Variants in GNA14 observed in about 807,000 individuals in gnomAD.
GNA14 encodes G protein subunit alpha 14, also known as guanine nucleotide-binding protein subunit alpha-14.
Under a neutral mutation model 42.0 loss-of-function variants are expected in GNA14, and 50 were observed. That is an observed-to-expected ratio of 1.19 (90% confidence interval 0.95 to 1.51). GNA14 has a LOEUF of 1.51. Ranked by LOEUF, GNA14 falls within the 40% of genes most tolerant of loss-of-function variation. The pLI is 0.00. For missense variants in GNA14, 473 were observed against 446.2 expected, an observed-to-expected ratio of 1.06 and a Z score of -0.54; for synonymous variants, 173 against 163.1, an observed-to-expected ratio of 1.06 and a Z score of -0.46.
chr9:77,467,029 G>C (rs1247714412), intron 2 of GNA14, among the ~76,000 whole-genome samples: 1 of 151,790 alleles, frequency 6.6e-6, no homozygotes, highest in African/African-American at 2.4e-5. Context: ...GTGTGTGTGT[G>C]TGTGTGTGTC....
intron 1 of GNA14, among the ~76,000 whole-genome samples, chr9:77,636,449 T>A (rs1337440670): frequency 6.6e-6 from 1 of 152,238 alleles, no homozygotes; most frequent in African/African-American, 2.4e-5. Context: ...ATATCAGCCA[T>A]CTTAATCCAT....
chr9:77,463,744 C>G (rs573844873), intron 2 of GNA14, among the ~76,000 whole-genome samples: 2 of 150,628 alleles, frequency 1.3e-5, no homozygotes, highest in Admixed American at 6.6e-5. Context: ...TAGGTCAATA[C>G]CCCAGGAACC....
At chr9:77,449,042 G>T (rs947879794) in intron 2 of GNA14, among the ~76,000 whole-genome samples, 2 of 152,144 alleles carry the variant, frequency 1.3e-5, no homozygotes, top group African/African-American at 2.4e-5. Context: ...GGTATGATAG[G>T]ATGTAAGATT....
At chr9:77,545,435 A>C (rs1169517145) in intron 1 of GNA14, among the ~76,000 whole-genome samples, 1 of 152,234 alleles carries the variant, frequency 6.6e-6, no homozygotes, top group Non-Finnish European at 1.5e-5. Flanking sequence ...ATTCAGATGG[A>C]AATATATATG....
At chr9:77,564,603 C>T (rs991374621) in intron 1 of GNA14, among the ~76,000 whole-genome samples, 1 of 151,930 alleles carries the variant, frequency 6.6e-6, no homozygotes, top group African/African-American at 2.4e-5. Context: ...GAGGCGGAGG[C>T]GGGCAGATCA....
chr9:77,558,903 G>T (rs889573598), intron 1 of GNA14, among the ~76,000 whole-genome samples: 3 of 142,164 alleles, frequency 2.1e-5, no homozygotes, highest in African/African-American at 7.9e-5. Context: ...TACCATTACT[G>T]AAAAAAGGTG....
intron 2 of GNA14, among the ~76,000 whole-genome samples, chr9:77,454,731 G>A (rs973738827): frequency 6.6e-6 from 1 of 151,774 alleles, no homozygotes; most frequent in Admixed American, 6.6e-5. Context: ...GTTTATTTCT[G>A]TTGCTTACAA....
At chr9:77,481,727 G>A (rs1587789573) in intron 2 of GNA14, among the ~76,000 whole-genome samples, 1 of 152,230 alleles carries the variant, frequency 6.6e-6, no homozygotes, top group African/African-American at 2.4e-5. Context: ...ATGAATCTGG[G>A]TGCTCCTGTA....
intron 2 of GNA14, among the ~76,000 whole-genome samples, chr9:77,521,120 G>A (rs1837349162): frequency 1.3e-5 from 2 of 152,218 alleles, no homozygotes; most frequent in South Asian, 2.1e-4. Flanking sequence ...AAATGGAAAA[G>A]CTCCTGCCTA....
chr9:77,631,396 T>A (rs964847701), intron 1 of GNA14, among the ~76,000 whole-genome samples: 2 of 149,910 alleles, frequency 1.3e-5, no homozygotes, highest in African/African-American at 2.5e-5. Context: ...AGATAAAACA[T>A]CTTGTATTAC....
chr9:77,589,547 G>T (rs1823357625), intron 1 of GNA14, among the ~76,000 whole-genome samples: 1 of 152,132 alleles, frequency 6.6e-6, no homozygotes, highest in African/African-American at 2.4e-5. Context: ...TGTCTTTACA[G>T]GTACTGTGTT....
chr9:77,639,318 C>G (rs987572469), intron 1 of GNA14, among the ~76,000 whole-genome samples: 6 of 152,344 alleles, frequency 3.9e-5, no homozygotes, highest in East Asian at 1.9e-4. Context: ...TCTAAACGCT[C>G]TAAAAATGAC....
At chr9:77,606,717 G>A (rs955355229) in intron 1 of GNA14, among the ~76,000 whole-genome samples, 1 of 152,172 alleles carries the variant, frequency 6.6e-6, no homozygotes, top group Non-Finnish European at 1.5e-5. Flanking sequence ...AAAAAAAGGT[G>A]TAAGCCTCAA....
chr9:77,562,294 T>C (rs1000854928), intron 1 of GNA14, among the ~76,000 whole-genome samples: 3 of 152,134 alleles, frequency 2.0e-5, no homozygotes, highest in Non-Finnish European at 2.9e-5. Context: ...GAAAGTAGCG[T>C]CTGCAACGTC....
In GNA14 at chr9:77,451,866, G is replaced by C. The variant is rs200430854; in HGVS notation, c.310-17344C>G. Among the ~76,000 whole-genome samples the C allele has an allele frequency of 1.3e-4, 20 of 152,316 alleles. No homozygotes were observed. In the East Asian group the frequency reaches 3.5e-3, roughly 26 times the overall value. On this transcript the variant is annotated intron_variant, in intron 2 of 6. Transcript: ENST00000341700. ...CAAAGTTACACAGACATTTAACCAA[G>C]TCTCCTATTTCCTGTCAAAAAATCC...
chr9:77,484,090 G>C (rs1048215063), intron 2 of GNA14, among the ~76,000 whole-genome samples: 1 of 152,198 alleles, frequency 6.6e-6, no homozygotes, highest in South Asian at 2.1e-4. Flanking sequence ...ATGTGCTCCA[G>C]GTAAACACAG....
At chr9:77,565,325 C>A (rs1375085846) in intron 1 of GNA14, among the ~76,000 whole-genome samples, 1 of 151,998 alleles carries the variant, frequency 6.6e-6, no homozygotes, top group Non-Finnish European at 1.5e-5. Flanking sequence ...AAACTTAATA[C>A]TAGGGGGAAA....
intron 2 of GNA14, among the ~76,000 whole-genome samples, chr9:77,507,460 G>T (rs987652723): frequency 5.3e-5 from 8 of 152,116 alleles, no homozygotes; most frequent in Non-Finnish European, 8.8e-5. Flanking sequence ...GAGCATGGAT[G>T]CTGGATCCAA....
At chr9:77,560,795 T>C (rs1195158887) in intron 1 of GNA14, among the ~76,000 whole-genome samples, 2 of 152,156 alleles carry the variant, frequency 1.3e-5, no homozygotes, top group South Asian at 2.1e-4. Context: ...CCTCACCTTA[T>C]GCCTTAAATG....
Sources: allele counts gnomAD v4.1 joint callset (sites outside exome capture counted in the v4.1 genomes callset), GRCh38; gene constraint gnomAD v4.1.1; transcripts MANE v1.5; gene names NCBI Gene and HGNC (gene_info 2026-07-23, HGNC 2026-07-21).